Variants in RTN4RL1 observed in about 807,000 individuals in gnomAD.
The protein encoded by RTN4RL1 is reticulon 4 receptor like 1, also known as reticulon-4 receptor-like 1.
In RTN4RL1, 7 loss-of-function variants were observed where a neutral mutation model predicts 25.6. The ratio of observed to expected loss-of-function variants is 0.27; its 90% confidence interval spans 0.16 to 0.51. The LOEUF (loss-of-function observed/expected upper bound fraction) is 0.51, where lower values mean the gene tolerates loss of function less well. Among genes scored for constraint, RTN4RL1 ranks in the 20% least tolerant of loss-of-function variants. The pLI is 0.97. For missense variants in RTN4RL1, 500 were observed against 615.6 expected (o/e 0.81, Z 1.99); for synonymous variants, 297 against 288.2 (o/e 1.03, Z -0.31).
intron 1 of RTN4RL1, among the ~76,000 whole-genome samples, chr17:1,975,033 C>T (rs1251235065): frequency 6.6e-6 from 1 of 152,222 alleles, no homozygotes; most frequent in Non-Finnish European, 1.5e-5. Flanking sequence ...CCCAGGGGCC[C>T]CCACTGCCCT....
chr17:1,970,237 TCTCGAACTACTGAC>T (rs1247028094), intron 1 of RTN4RL1, among the ~76,000 whole-genome samples: 1 of 152,130 alleles, frequency 6.6e-6, no homozygotes, highest in Non-Finnish European at 1.5e-5. Context: ...GTCATGCTGG[TCTCGAACTACTGAC>T]CTCAGGTGAT....
chr17:1,987,796 T>A (rs1478172679), intron 1 of RTN4RL1, among the ~76,000 whole-genome samples: 2 of 151,490 alleles, frequency 1.3e-5, no homozygotes, highest in Admixed American at 6.6e-5. Flanking sequence ...TCCCACAATA[T>A]CTCTGACCAG....
At chr17:1,967,182 A>G (rs1479285045) in intron 1 of RTN4RL1, among the ~76,000 whole-genome samples, 2 of 151,676 alleles carry the variant, frequency 1.3e-5, no homozygotes, top group African/African-American at 4.9e-5. Context: ...TGGGTTATCA[A>G]TTCTTTGGAT....
chr17:1,984,328 A>C (rs2066879348), intron 1 of RTN4RL1, among the ~76,000 whole-genome samples: 1 of 152,200 alleles, frequency 6.6e-6, no homozygotes, highest in African/African-American at 2.4e-5. Flanking sequence ...GACACAGGTG[A>C]CAGTGAGGAG....
At chr17:1,970,020 T>TC (rs1491519481) in intron 1 of RTN4RL1, among the ~76,000 whole-genome samples, 15 of 25,102 alleles carry the variant, frequency 6.0e-4, no homozygotes, top group African/African-American at 1.5e-3. Flanking sequence ...TCTCTCTCTC[T>TC]TTTTTTTTTT....
At chr17:2,021,854 CTTTTTT>C (rs869227846) in intron 1 of RTN4RL1, among the ~76,000 whole-genome samples, 2 of 88,352 alleles carry the variant, frequency 2.3e-5, no homozygotes, top group Non-Finnish European at 4.1e-5. Context: ...TGTGCCCGGT[CTTTTTT>C]TTTTTTTTTT....
intron 1 of RTN4RL1, among the ~76,000 whole-genome samples, chr17:2,022,730 T>C (rs1351045964): frequency 6.6e-6 from 1 of 152,266 alleles, no homozygotes; most frequent in Non-Finnish European, 1.5e-5. Context: ...TCACCCAGGC[T>C]GAGCCCAGCC....
At position 1,998,886 on chromosome 17, in the gene RTN4RL1, A is replaced by G. The variant is rs192485041; in HGVS notation, c.13+25967T>C. 2.0e-5 allele frequency among the ~76,000 whole-genome samples: 3 copies of G among 151,500 alleles called. No individual in the cohort carries two copies. In the East Asian group the frequency reaches 6.1e-4, roughly 31 times the overall value. ...CGACCCCGGAGCCCCTTTATTCTCT[A>G]CGCGCTCATCCCACGCGCAGAACAG... On this transcript the variant is annotated intron_variant, in intron 1 of 1. Coordinates refer to ENST00000331238, the MANE Select transcript of RTN4RL1 (RefSeq NM_178568.4). The surrounding 1 kb of genome is among the most constrained non-coding windows in gnomAD (Gnocchi z 4.9).
At chr17:1,983,630 T>C (rs894200738) in intron 1 of RTN4RL1, among the ~76,000 whole-genome samples, 1 of 152,042 alleles carries the variant, frequency 6.6e-6, no homozygotes, top group Non-Finnish European at 1.5e-5. Context: ...CTCAAACTCC[T>C]GAGCTCAAGC....
chr17:1,954,748 C>T (rs555766259), intron 1 of RTN4RL1, among the ~76,000 whole-genome samples: 1 of 152,170 alleles, frequency 6.6e-6, no homozygotes, highest in Non-Finnish European at 1.5e-5. Context: ...CCAACTGGTT[C>T]CTGGTACATA....
intron 1 of RTN4RL1, among the ~76,000 whole-genome samples, chr17:1,952,152 A>G (rs565018515): frequency 5.9e-5 from 9 of 152,202 alleles, no homozygotes; most frequent in African/African-American, 2.2e-4. Context: ...TCCTGCTCAC[A>G]TTTCATTGGT....
intron 1 of RTN4RL1, among the ~76,000 whole-genome samples, chr17:1,938,133 G>A (rs979824772): frequency 2.0e-5 from 3 of 152,162 alleles, no homozygotes; most frequent in Admixed American, 1.3e-4. Context: ...CTGCTGGGGT[G>A]TAGGTCATGA....
At chr17:1,952,966 A>G (rs1388773052) in intron 1 of RTN4RL1, among the ~76,000 whole-genome samples, 2 of 151,626 alleles carry the variant, frequency 1.3e-5, no homozygotes, top group Admixed American at 6.6e-5. Context: ...AGTCCCAGCT[A>G]CTCGGGAGGC....
At chr17:1,977,895 G>A (rs12103917) in intron 1 of RTN4RL1, among the ~76,000 whole-genome samples, 1,722 of 151,642 alleles carry the variant, frequency 0.011, 31 homozygotes, top group African/African-American at 0.039. Context: ...CCTGCACCCC[G>A]CATCCCGCAC....
intron 1 of RTN4RL1, among the ~76,000 whole-genome samples, chr17:1,996,628 C>T (rs2066930444): frequency 6.6e-6 from 1 of 152,224 alleles, no homozygotes; most frequent in Non-Finnish European, 1.5e-5. Flanking sequence ...GGTCTGTTTG[C>T]TGTTTTCTCC....
chr17:1,949,253 G>C (rs1427272118), intron 1 of RTN4RL1, among the ~76,000 whole-genome samples: 1 of 151,972 alleles, frequency 6.6e-6, no homozygotes, highest in African/African-American at 2.4e-5. Flanking sequence ...GAGCCACCGT[G>C]CCTGGCCTAA....
chr17:1,940,631 T>C (rs533013826), intron 1 of RTN4RL1, among the ~76,000 whole-genome samples: 1 of 152,228 alleles, frequency 6.6e-6, no homozygotes, highest in South Asian at 2.1e-4. Flanking sequence ...GCCTGCCCAC[T>C]GCCTGAACCC....
intron 1 of RTN4RL1, among the ~76,000 whole-genome samples, chr17:2,017,074 G>T (rs1441369730): frequency 1.3e-5 from 2 of 152,132 alleles, no homozygotes; most frequent in Non-Finnish European, 2.9e-5. Context: ...AATAAATCAT[G>T]GTCAGAAGAA....
intron 1 of RTN4RL1, among the ~76,000 whole-genome samples, chr17:1,971,167 T>C (rs1403876229): frequency 6.6e-6 from 1 of 152,154 alleles, no homozygotes; most frequent in Non-Finnish European, 1.5e-5. Context: ...ATGGAGGCAG[T>C]TTCTCCCTTG....
Sources: gnomAD v4.1 joint callset for allele counts (sites outside exome capture counted in the v4.1 genomes callset) on GRCh38, gnomAD v4.1.1 for gene constraint, Gnocchi (gnomAD v3.1) non-coding constraint, MANE v1.5 for transcripts, NCBI Gene and HGNC (gene_info 2026-07-23, HGNC 2026-07-21) for gene names.